Variants in CUBN observed in about 807,000 individuals in gnomAD.
CUBN encodes the protein cubilin.
A neutral mutation model predicts 405.3 loss-of-function variants in CUBN; 282 were observed. That is an observed-to-expected ratio of 0.70 (90% CI 0.63 to 0.77). The LOEUF is 0.77. Among genes scored for constraint, CUBN ranks in the 30% least tolerant of loss-of-function variants. The pLI is 0.00. For missense variants in CUBN, 4,514 were observed against 4,475.2 expected (o/e 1.01, Z -0.25); for synonymous variants, 1,684 against 1,617.0 (o/e 1.04, Z -0.99).
chr10:17,120,573 G>C (rs1837014456), intron 6 of CUBN, among the ~76,000 whole-genome samples: 1 of 152,192 alleles, frequency 6.6e-6, no homozygotes, highest in Non-Finnish European at 1.5e-5. Context: ...TTCTTACAAA[G>C]TTGAATCTGT....
Position 17,004,674 on chromosome 10 carries a change from CT to C in CUBN, c.4169-14160del, listed in dbSNP as rs10637688. On this transcript the variant is annotated intron_variant, in intron 28 of 66. Coordinates refer to ENST00000377833, the MANE Select transcript of CUBN (RefSeq NM_001081.4). ...TGCCCATCCTACCTTCTAAATAGCT[CT>C]TTTTTTTTTTTTTTAGCAGAATCTC... Among the ~76,000 whole-genome samples, 1,219 of 141,060 alleles carry C rather than the reference CT, an allele frequency of 8.6e-3. 14 individuals are homozygous for C. The highest frequency in any genetic ancestry group is 0.023 in the African/African-American group (882 of 38,028). 92.5% of individuals were successfully genotyped at this position (141,060 alleles called of 152,430 possible). A position where few individuals can be genotyped will look rare whatever the true frequency, so the allele number is the denominator to read the frequency against.
In CUBN at chr10:17,045,081, C is replaced by G; in HGVS notation, c.3598G>C (p.Gly1200Arg). ...ECYWWLKSSH[G>R]SAFELEFKDF... ...TTGAATTCCAGTTCAAATGCGCTGCCGTGGCTAGATTTCAACCACCAGTAG... is the reference window on the plus strand; with the variant it reads ...TTGAATTCCAGTTCAAATGCGCTGCGGTGGCTAGATTTCAACCACCAGTAG... The change falls in exon 25 of 67, where the codon GGC becomes CGC. Residue 1200 changes from glycine to arginine, a missense_variant. By Grantham distance (125) the Gly-to-Arg change is moderately radical. This residue lies in a region of CUBN where 242 missense variants were observed against 309.0 expected (regional missense o/e 0.78). Coordinates refer to ENST00000377833, the MANE Select transcript of CUBN (RefSeq NM_001081.4). The G allele has an allele frequency of 6.2e-7, 1 of 1,614,010 alleles. No homozygotes were observed. Among genetic ancestry groups the G allele is most frequent in the Non-Finnish European group, 8.5e-7 (1 of 1,180,002 alleles).
chr10:16,910,495 C>T (rs1434520583), intron 48 of CUBN, among the ~76,000 whole-genome samples: 2 of 152,082 alleles, frequency 1.3e-5, no homozygotes, highest in African/African-American at 2.4e-5. Flanking sequence ...GAGTTTTAAC[C>T]TCCCCAAGAG....
In CUBN at chr10:16,990,282, C is replaced by T. The variant is rs2291521; in HGVS notation, c.4350+52G>A. ...TTCGGAATCTTGGCAGAGTGATTTC[C>T]TGTTCTACCCCAAACTTTGGAATGT... On this transcript the variant is annotated intron_variant, in intron 29 of 66. Transcript: ENST00000377833. 0.24 allele frequency: 369,821 copies of T among 1,556,706 alleles called. 45,759 individuals carry two copies. Among genetic ancestry groups the T allele is most frequent in the Non-Finnish European group, 0.25 (283,777 of 1,127,868 alleles).
chr10:16,879,642 G>C (rs1256454106), intron 56 of CUBN, among the ~76,000 whole-genome samples: 1 of 152,182 alleles, frequency 6.6e-6, no homozygotes, highest in East Asian at 1.9e-4. Flanking sequence ...TGGTTCAAAG[G>C]TGGGTGTGTG....
At chr10:17,102,809 G>A (rs561348050) in intron 13 of CUBN, among the ~76,000 whole-genome samples, 2 of 151,322 alleles carry the variant, frequency 1.3e-5, no homozygotes, top group Admixed American at 6.6e-5. Context: ...GTAGAGACAG[G>A]GTTTCGCCAT....
intron 54 of CUBN, among the ~76,000 whole-genome samples, chr10:16,892,506 A>AT (rs1004166918): frequency 6.6e-6 from 1 of 151,814 alleles, no homozygotes; most frequent in Admixed American, 6.6e-5. Context: ...ATATATATGT[A>AT]TTTTTTTGAG....
chr10:17,091,977 C>G (rs886085424), intron 14 of CUBN, among the ~76,000 whole-genome samples: 1 of 152,182 alleles, frequency 6.6e-6, no homozygotes, highest in African/African-American at 2.4e-5. Context: ...TTTCACTTTA[C>G]TGTATGGACT....
chr10:16,986,549 G>T (rs1833432192), intron 29 of CUBN, among the ~76,000 whole-genome samples: 1 of 152,182 alleles, frequency 6.6e-6, no homozygotes, highest in African/African-American at 2.4e-5. Flanking sequence ...TAATTGCAAA[G>T]GAATGAAGCA....
rs1156777916 is a variant in CUBN at position 16,906,401 on chromosome 10, C to T, written c.7714G>A (p.Gly2572Arg). 6 of 1,612,224 alleles carry T rather than the reference C, an allele frequency of 3.7e-6. No homozygotes were observed. Among genetic ancestry groups the T allele is most frequent in the Non-Finnish European group, 5.1e-6 (6 of 1,178,398 alleles). ...YTSSEDAVCG[G>R]SLPNTPEGNF... ...CCTTCAGGAGTATTTGGAAGAGACC[C>T]ACCACACACTAAGAAAACAGAAGGC... Residue 2572 changes from glycine to arginine, a missense_variant, in exon 50 of 67, where the codon GGG becomes AGG. Gly to Arg is a moderately radical substitution (Grantham distance 125). Around this residue, in one of 5 missense-constraint regions of CUBN, gnomAD observed 1,613 missense variants for 1,542.8 expected, o/e 1.05. Transcript: ENST00000377833.
intron 6 of CUBN, among the ~76,000 whole-genome samples, chr10:17,117,728 C>G (rs537133597): frequency 1.3e-5 from 2 of 152,184 alleles, no homozygotes; most frequent in Non-Finnish European, 2.9e-5. Context: ...CCGCACCCTG[C>G]TGAAGAATCT....
chr10:16,829,342 G>GAAAAAAAAAAAA (rs71287326), intron 65 of CUBN, among the ~76,000 whole-genome samples: 2 of 121,152 alleles, frequency 1.7e-5, no homozygotes, highest in Non-Finnish European at 1.7e-5. Flanking sequence ...GAGCAGAATG[G>GAAAAAAAAAAAA]AAAAAAAAAA....
At chr10:16,996,257 T>C (rs1268810351) in intron 28 of CUBN, among the ~76,000 whole-genome samples, 5 of 152,190 alleles carry the variant, frequency 3.3e-5, no homozygotes, top group South Asian at 2.1e-4. Flanking sequence ...AATAAAATAA[T>C]GCCCTGAAGA....
chr10:16,992,271 T>C (rs577543047), intron 28 of CUBN, among the ~76,000 whole-genome samples: 1 of 152,202 alleles, frequency 6.6e-6, no homozygotes, highest in East Asian at 1.9e-4. Flanking sequence ...GGGATAGCAT[T>C]AGGAGGAATA....
At chr10:17,020,170 G>A (rs1834453011) in intron 27 of CUBN, among the ~76,000 whole-genome samples, 187 bp from the exon 28 acceptor site, 1 of 152,106 alleles carries the variant, frequency 6.6e-6, no homozygotes, top group Non-Finnish European at 1.5e-5. Context: ...GAGGGTATTA[G>A]AGATGGATCT....
chr10:17,075,121 T>A (rs1181755859), intron 17 of CUBN, among the ~76,000 whole-genome samples: 2 of 139,868 alleles, frequency 1.4e-5, no homozygotes, highest in African/African-American at 2.7e-5. Flanking sequence ...TCTCACTCTG[T>A]CACCTAGGCT....
At chr10:17,086,848 C>A (rs999720688) in intron 15 of CUBN, among the ~76,000 whole-genome samples, 1 of 152,134 alleles carries the variant, frequency 6.6e-6, no homozygotes, top group Non-Finnish European at 1.5e-5. Flanking sequence ...TCAATATTGT[C>A]AGAGTGGTTG....
intron 59 of CUBN, among the ~76,000 whole-genome samples, chr10:16,860,523 T>C (rs1839983914): frequency 6.6e-6 from 1 of 152,228 alleles, no homozygotes; most frequent in Non-Finnish European, 1.5e-5. Context: ...TCTACTGAGC[T>C]TCTAACTCTC....
chr10:16,860,924 T>C (rs1007936082), intron 59 of CUBN, among the ~76,000 whole-genome samples: 2 of 152,216 alleles, frequency 1.3e-5, no homozygotes, highest in African/African-American at 4.8e-5. Flanking sequence ...AAAATAAATC[T>C]GACCAGATGA....
Sources: gnomAD v4.1 joint callset for allele counts (sites outside exome capture counted in the v4.1 genomes callset) on GRCh38, gnomAD v4.1.1 for gene constraint, gnomAD v4.1.1 regional missense constraint, MANE v1.5 for transcripts, NCBI Gene and HGNC (gene_info 2026-07-23, HGNC 2026-07-21) for gene names.